The following PTPRG variants were observed in gnomAD, a reference collection of about 807,000 sequenced individuals.
PTPRG encodes protein tyrosine phosphatase receptor type G.
Under a neutral mutation model 165.3 loss-of-function variants are expected in PTPRG, and 102 were observed. The observed-to-expected ratio is 0.62, with a 90% CI of 0.53 to 0.73. The LOEUF (loss-of-function observed/expected upper bound fraction) is 0.73, where lower values mean the gene tolerates loss of function less well. Ranked by LOEUF, PTPRG falls within the 30% of genes least tolerant of loss-of-function variation. The pLI, the probability that PTPRG is intolerant of heterozygous loss-of-function variation, is 0.00. For missense variants in PTPRG, 1,866 were observed against 1,861.4 expected (o/e 1.00, Z -0.05); for synonymous variants, 675 against 669.5 (o/e 1.01, Z -0.13).
chr3:61,703,803 A>G (rs2031107276), intron 1 of PTPRG, among the ~76,000 whole-genome samples: 1 of 152,346 alleles, frequency 6.6e-6, no homozygotes, highest in South Asian at 2.1e-4. Flanking sequence ...CAATTCTATT[A>G]TTAATGAAAG....
chr3:61,762,447 C>T (rs1289643861), intron 2 of PTPRG, among the ~76,000 whole-genome samples: 1 of 152,042 alleles, frequency 6.6e-6, no homozygotes, highest in Non-Finnish European at 1.5e-5. Context: ...CCCGTCTCTA[C>T]TAAAAATACA....
chr3:62,125,830 T>C lies in PTPRG; in HGVS notation c.616-6772T>C, dbSNP rs559006414. The stretch of plus-strand genomic sequence containing the variant: ...AGGAGCAGCCTGCACTTTGAGAAGA[T>C]TGGCAGGGGTGGGACAGACAGGTTC... On this transcript the variant is annotated intron_variant, in intron 5 of 29. Coordinates refer to ENST00000474889, the MANE Select transcript of PTPRG (RefSeq NM_002841.4). 6.1e-3 allele frequency among the ~76,000 whole-genome samples: 926 copies of C among 152,220 alleles called. 12 individuals carry two copies. Among genetic ancestry groups the C allele is most frequent in the Non-Finnish European group, 6.3e-3 (426 of 68,002 alleles).
chr3:61,755,978 A>G (rs1328116400), intron 2 of PTPRG, among the ~76,000 whole-genome samples: 1 of 152,182 alleles, frequency 6.6e-6, no homozygotes, highest in African/African-American at 2.4e-5. Flanking sequence ...ATGGGGCTGT[A>G]TCACTGGGGA....
At chr3:62,187,625 C>T (rs1194803286) in intron 8 of PTPRG, among the ~76,000 whole-genome samples, 9 of 152,174 alleles carry the variant, frequency 5.9e-5, no homozygotes, top group South Asian at 2.1e-4. Flanking sequence ...CCTGCAAAGC[C>T]GAAAATATTT....
chr3:62,163,008 C>T (rs1462265452), intron 7 of PTPRG, among the ~76,000 whole-genome samples: 2 of 151,918 alleles, frequency 1.3e-5, no homozygotes, highest in East Asian at 1.9e-4. Context: ...ACAATCATGG[C>T]GGACAGGAAG....
At chr3:61,609,294 C>T (rs1701099666) in intron 1 of PTPRG, among the ~76,000 whole-genome samples, 1 of 152,144 alleles carries the variant, frequency 6.6e-6, no homozygotes, top group African/African-American at 2.4e-5. Flanking sequence ...TTCATGTTTT[C>T]CTGTTCCATT....
intron 1 of PTPRG, among the ~76,000 whole-genome samples, chr3:61,698,007 A>G (rs1356622137): frequency 2.0e-5 from 3 of 152,192 alleles, no homozygotes; most frequent in Non-Finnish European, 4.4e-5. Flanking sequence ...TTTATCCTGT[A>G]ATTGTATTTC....
intron 2 of PTPRG, among the ~76,000 whole-genome samples, chr3:61,800,685 C>A (rs2035202806): frequency 6.6e-6 from 1 of 151,340 alleles, no homozygotes; most frequent in Non-Finnish European, 1.5e-5. Context: ...TTCTTGTTGC[C>A]CAGGCTGGAG....
At chr3:62,018,386 T>C (rs2041602345) in intron 4 of PTPRG, among the ~76,000 whole-genome samples, 1 of 152,214 alleles carries the variant, frequency 6.6e-6, no homozygotes, top group Non-Finnish European at 1.5e-5. Context: ...CTCTCCATTG[T>C]GCTCAATCTC....
chr3:61,746,249 C>T (rs1376403488), intron 1 of PTPRG, among the ~76,000 whole-genome samples: 1 of 128,496 alleles, frequency 7.8e-6, no homozygotes, highest in Non-Finnish European at 1.6e-5. Flanking sequence ...GACAGAATCT[C>T]GCTGTGTCTC....
chr3:61,954,232 G>C (rs2039969474), intron 2 of PTPRG, among the ~76,000 whole-genome samples: 1 of 152,194 alleles, frequency 6.6e-6, no homozygotes, highest in Admixed American at 6.5e-5. Flanking sequence ...TGTATGCATG[G>C]TTCCCTGTTA....
intron 5 of PTPRG, among the ~76,000 whole-genome samples, chr3:62,086,019 T>G (rs1467306473): frequency 6.6e-6 from 1 of 152,174 alleles, no homozygotes. Flanking sequence ...ATGCAAGAAT[T>G]ATATCTTATG....
At chr3:61,645,604 A>G (rs1702178385) in intron 1 of PTPRG, among the ~76,000 whole-genome samples, 1 of 152,238 alleles carries the variant, frequency 6.6e-6, no homozygotes, top group South Asian at 2.1e-4. Context: ...TAACGGGGCT[A>G]GTTCCTGAGC....
chr3:61,749,028 C>T (rs2033326802), intron 2 of PTPRG, 46 bp downstream of exon 2: 2 of 1,435,240 alleles, frequency 1.4e-6, no homozygotes, highest in East Asian at 4.5e-5. Context: ...CAGTTAACAT[C>T]CCATTCAACT....
chr3:62,192,965 C>G (rs1699876362), intron 9 of PTPRG, among the ~76,000 whole-genome samples: 1 of 152,136 alleles, frequency 6.6e-6, no homozygotes, highest in African/African-American at 2.4e-5. Context: ...GATGAAGATT[C>G]TTTTACTTCA....
intron 4 of PTPRG, among the ~76,000 whole-genome samples, chr3:62,046,132 C>A (rs954372522): frequency 7.2e-5 from 11 of 152,318 alleles, no homozygotes; most frequent in African/African-American, 2.6e-4. Flanking sequence ...TACTAGGGCA[C>A]CCTCTCCCCA....
At chr3:61,762,951 A>T (rs1182207450) in intron 2 of PTPRG, among the ~76,000 whole-genome samples, 1 of 152,040 alleles carries the variant, frequency 6.6e-6, no homozygotes, top group African/African-American at 2.4e-5. Context: ...AGAATTCTAG[A>T]TGTCAAATAC....
At chr3:61,948,905 A>G (rs534744526) in intron 2 of PTPRG, among the ~76,000 whole-genome samples, 59 of 152,196 alleles carry the variant, frequency 3.9e-4, no homozygotes, top group Non-Finnish European at 8.1e-4. Context: ...GTTAATGTCT[A>G]TGATTATCTT....
intron 1 of PTPRG, among the ~76,000 whole-genome samples, chr3:61,729,743 T>A (rs2032415707): frequency 6.6e-6 from 1 of 152,198 alleles, no homozygotes; most frequent in Non-Finnish European, 1.5e-5. Flanking sequence ...ACACTGAAAT[T>A]TGAACAGTGG....
Sources: allele counts gnomAD v4.1 joint callset (sites outside exome capture counted in the v4.1 genomes callset), GRCh38; gene constraint gnomAD v4.1.1; transcripts MANE v1.5; gene names NCBI Gene and HGNC (gene_info 2026-07-23, HGNC 2026-07-21).